Variants in SMU1 observed in about 807,000 individuals in gnomAD.
SMU1 encodes WD40 repeat-containing protein SMU1.
Under a neutral mutation model 62.0 loss-of-function variants are expected in SMU1, and 2 were observed. The observed-to-expected ratio is 0.03, with a 90% CI of 0.01 to 0.10. The LOEUF (loss-of-function observed/expected upper bound fraction) is 0.10, where lower values mean the gene tolerates loss of function less well. Ranked by LOEUF, SMU1 falls within the 10% of genes least tolerant of loss-of-function variation. The probability of loss-of-function intolerance (pLI) is 1.00; values close to 1 mark genes in which losing one functional copy is unlikely to be tolerated. For missense variants in SMU1, 227 were observed against 622.1 expected (o/e 0.36, Z 6.76); for synonymous variants, 188 against 212.4 (o/e 0.89, Z 1.00).
chr9:33,064,125 G>T (rs1379794460), intron 4 of SMU1, among the ~76,000 whole-genome samples: 2 of 151,858 alleles, frequency 1.3e-5, no homozygotes, highest in African/African-American at 4.8e-5. Flanking sequence ...TTTAAAGAGA[G>T]GGGTTCTCAT....
intron 4 of SMU1, among the ~76,000 whole-genome samples, chr9:33,068,370 G>C (rs1473156214): frequency 6.6e-6 from 1 of 152,200 alleles, no homozygotes; most frequent in Non-Finnish European, 1.5e-5. Flanking sequence ...TCCCAGGAAA[G>C]AGGGAGAGTG....
At chr9:33,047,756 G>A (rs563973409) in intron 11 of SMU1, among the ~76,000 whole-genome samples, 1 of 152,212 alleles carries the variant, frequency 6.6e-6, no homozygotes, top group East Asian at 1.9e-4. Flanking sequence ...TTACTTGGGA[G>A]GCTGAGGCAG....
At chr9:33,057,502 T>A in intron 7 of SMU1, 96 bp downstream of exon 7, 1 of 1,415,746 alleles carries the variant, frequency 7.1e-7, no homozygotes, top group Non-Finnish European at 9.8e-7. Flanking sequence ...CAATAATCAG[T>A]AGCTATTATT....
At chr9:33,064,765 C>A (rs1839401355) in intron 4 of SMU1, among the ~76,000 whole-genome samples, 1 of 149,374 alleles carries the variant, frequency 6.7e-6, no homozygotes, top group Non-Finnish European at 1.5e-5. Flanking sequence ...TTAATTGAGA[C>A]AGAGTCTCAC....
intron 2 of SMU1, among the ~76,000 whole-genome samples, chr9:33,073,060 G>C (rs966266643): frequency 6.6e-6 from 1 of 152,108 alleles, no homozygotes; most frequent in African/African-American, 2.4e-5. Context: ...TTGTGCAAAG[G>C]AAATGGCTCA....
chr9:33,070,406 A>G (rs1209063794), intron 3 of SMU1, among the ~76,000 whole-genome samples: 2 of 152,230 alleles, frequency 1.3e-5, no homozygotes, highest in African/African-American at 4.8e-5. Context: ...GTAAGTGGAG[A>G]AAAAGGAACC....
intron 4 of SMU1, among the ~76,000 whole-genome samples, 197 bp from the exon 5 acceptor site, chr9:33,062,374 T>C (rs890809692): frequency 6.6e-6 from 1 of 152,118 alleles, no homozygotes; most frequent in Non-Finnish European, 1.5e-5. Context: ...GATCTAAGGG[T>C]GAAGGGGACC....
At chr9:33,076,260 A>T (rs535830930) in intron 1 of SMU1, among the ~76,000 whole-genome samples, 44 of 152,188 alleles carry the variant, frequency 2.9e-4, no homozygotes, top group Admixed American at 1.2e-3. Flanking sequence ...TTGCGCAGAT[A>T]ATTAGACTGG....
In SMU1 at chr9:33,047,010, G is replaced by T. The variant is rs1839193356; in HGVS notation, c.*283C>A. The T allele has an allele frequency of 3.9e-6, 1 of 258,178 alleles. No individual in the cohort carries two copies. The highest frequency in any genetic ancestry group is 7.3e-6 in the Non-Finnish European group (1 of 137,472). The allele number at this position is 258,178 out of a possible 1,614,324, so 16.0% of individuals were successfully genotyped here. The stretch of plus-strand genomic sequence containing the variant: ...AGCATTTCAAATAATCAGAGGAGTA[G>T]AATTTTTTTCTAGAAATATCAGTAT... On this transcript the variant is annotated 3_prime_UTR_variant, in exon 12 of 12. Coordinates refer to ENST00000397149, the MANE Select transcript of SMU1 (RefSeq NM_018225.3).
intron 10 of SMU1, among the ~76,000 whole-genome samples, chr9:33,051,805 A>G: frequency 6.6e-6 from 1 of 152,148 alleles, no homozygotes; most frequent in East Asian, 1.9e-4. Flanking sequence ...CTGTAATCCC[A>G]GCACTTTCGG....
intron 10 of SMU1, among the ~76,000 whole-genome samples, chr9:33,050,054 A>C (rs1839226346): frequency 6.6e-6 from 1 of 152,238 alleles, no homozygotes; most frequent in Non-Finnish European, 1.5e-5. Flanking sequence ...CTTAAAACTC[A>C]ACAGTAAGAC....
At chr9:33,072,131 C>T (rs756611950) in intron 2 of SMU1, among the ~76,000 whole-genome samples, 29 of 152,036 alleles carry the variant, frequency 1.9e-4, no homozygotes, top group Admixed American at 7.2e-4. Flanking sequence ...GTCAGCAGTT[C>T]GAAACCAGCC....
At position 33,056,973 on chromosome 9, in the gene SMU1, G is replaced by GAAAAAA; in HGVS notation, c.868-15_868-10dup. ...CTCTGAATCTTCCACACCTTTATTT[G>GAAAAAA]AAAAAAAAAAAAGAATTAAAAAAAC... is the stretch of plus-strand genomic sequence containing the variant. On this transcript the variant is annotated splice_polypyrimidine_tract_variant and intron_variant, in intron 7 of 11. Transcript: ENST00000397149. 1 of 1,335,324 alleles carries GAAAAAA rather than the reference G, an allele frequency of 7.5e-7. No individual in the cohort carries two copies. Among genetic ancestry groups the GAAAAAA allele is most frequent in the Non-Finnish European group, 1.0e-6 (1 of 984,590 alleles). The allele number at this position is 1,335,324 out of a possible 1,614,324, so 82.7% of individuals were successfully genotyped here.
At chr9:33,070,122 AAAC>A (rs749230479) in intron 3 of SMU1, among the ~76,000 whole-genome samples, 30 of 152,162 alleles carry the variant, frequency 2.0e-4, no homozygotes, top group South Asian at 1.2e-3. Flanking sequence ...TCTGTCTCAA[AAAC>A]AACAACAACA....
In SMU1 at chr9:33,050,433, G is replaced by A. The variant is rs191028012; in HGVS notation, c.1291-2175C>T. 1.0e-4 allele frequency among the ~76,000 whole-genome samples: 15 copies of A among 150,114 alleles called. No individual in the cohort carries two copies. In the East Asian group the frequency reaches 1.8e-3, roughly 18 times the overall value. On this transcript the variant is annotated intron_variant, in intron 10 of 11. Transcript: ENST00000397149. The stretch of plus-strand genomic sequence containing the variant: ...TTCACACAAAAATCTGCACATGGAT[G>A]TTTATAGCAGCTTTACTCATAATTG...
At position 33,044,386 on chromosome 9, in the gene SMU1, C is replaced by T. The variant is rs973921686; in HGVS notation, c.*2907G>A. The T allele has an allele frequency of 6.6e-6, 1 of 152,300 alleles. No individual in the cohort carries two copies. Among genetic ancestry groups the T allele is most frequent in the African/African-American group, 2.4e-5 (1 of 41,468 alleles). The allele number at this position is 152,300 out of a possible 1,614,324, so 9.4% of individuals were successfully genotyped here. ...AGCGGGTGCGCAGTCTCCCTACCCCCGGTAAGGGGCTCTACCGGCCCTGGA... is the reference window on the plus strand; with the variant it reads ...AGCGGGTGCGCAGTCTCCCTACCCCTGGTAAGGGGCTCTACCGGCCCTGGA... On this transcript the variant is annotated 3_prime_UTR_variant, in exon 12 of 12. Coordinates refer to ENST00000397149, the MANE Select transcript of SMU1 (RefSeq NM_018225.3).
rs1223036605 is a variant in SMU1 at position 33,053,082 on chromosome 9, G to T, written c.1290+41C>A. 1.9e-6 allele frequency: 3 copies of T among 1,582,930 alleles called. No individual in the cohort carries two copies. In the African/African-American group the frequency reaches 4.0e-5, roughly 21 times the overall value. Reference sequence around the variant, plus strand: ...GACCAGGAAGTGCTGATTTGGGAATGGCCCACAGTTCCTGTGCAAGGGTAC... The same window carrying T: ...GACCAGGAAGTGCTGATTTGGGAATTGCCCACAGTTCCTGTGCAAGGGTAC... On this transcript the variant is annotated intron_variant, in intron 10 of 11. Coordinates refer to ENST00000397149, the MANE Select transcript of SMU1 (RefSeq NM_018225.3).
At chr9:33,069,947 G>A (rs898613382) in intron 3 of SMU1, among the ~76,000 whole-genome samples, 12 of 152,134 alleles carry the variant, frequency 7.9e-5, no homozygotes, top group Non-Finnish European at 1.8e-4. Context: ...CCAACATGGC[G>A]AAACCCCATC....
intron 4 of SMU1, among the ~76,000 whole-genome samples, chr9:33,063,703 G>A (rs1356303131): frequency 2.6e-5 from 4 of 151,812 alleles, no homozygotes. Flanking sequence ...ATGCGCATGC[G>A]AGGGATCTAG....
Sources: gnomAD v4.1 joint callset for allele counts (sites outside exome capture counted in the v4.1 genomes callset) on GRCh38, gnomAD v4.1.1 for gene constraint, MANE v1.5 for transcripts, NCBI Gene and HGNC (gene_info 2026-07-23, HGNC 2026-07-21) for gene names.